Variants in MICAL3 observed in about 807,000 individuals in gnomAD.
The protein encoded by MICAL3 is [F-actin]-monooxygenase MICAL3.
A neutral mutation model predicts 207.4 loss-of-function variants in MICAL3; 62 were observed. The ratio of observed to expected loss-of-function variants is 0.30; its 90% CI spans 0.24 to 0.37. The LOEUF is 0.37. MICAL3 is among the 10% of genes least tolerant of loss of function. The pLI, the probability that MICAL3 is intolerant of heterozygous loss-of-function variation, is 1.00. For synonymous variants in MICAL3, 1,077 were observed against 1,069.3 expected, an observed-to-expected ratio of 1.01 and a Z score of -0.14; for missense variants, 2,368 against 2,635.6, an observed-to-expected ratio of 0.90 and a Z score of 2.22.
intron 27 of MICAL3, chr22:17,815,323 A>G (rs5992851): frequency 0.34 from 52,305 of 152,114 alleles, 9,483 homozygotes; most frequent in African/African-American, 0.42. Flanking sequence ...TGGGCATACT[A>G]CCCACCACAG....
Position 17,792,839 on chromosome 22 carries a change from G to A in MICAL3, c.5651-1538C>T, listed in dbSNP as rs557501417. 3.9e-5 allele frequency among the ~76,000 whole-genome samples: 6 copies of A among 152,332 alleles called. No individual in the cohort carries two copies. The East Asian group carries it at 9.6e-4, about 24-fold the overall frequency. ...TGTGCCTGAGGGTCAGGGGACCAGC[G>A]CTCTCCTCACCCAATCCAATAGGCT... On this transcript the variant is annotated intron_variant, in intron 29 of 31. Transcript: ENST00000441493.
intron 16 of MICAL3, chr22:17,876,746 TA>T: frequency 6.9e-6 from 1 of 145,078 alleles, no homozygotes; most frequent in East Asian, 2.0e-4. Flanking sequence ...TTATGGAGGT[TA>T]GGGAGGTTAA....
At chr22:17,998,556 TA>T (rs1401583910) in intron 1 of MICAL3, among the ~76,000 whole-genome samples, 4 of 137,402 alleles carry the variant, frequency 2.9e-5, no homozygotes, top group Non-Finnish European at 4.7e-5. Context: ...TAATTATTAT[TA>T]TTATTATTTT....
chr22:17,871,071 A>G (rs916249837), intron 17 of MICAL3, among the ~76,000 whole-genome samples: 4 of 152,024 alleles, frequency 2.6e-5, no homozygotes, highest in Non-Finnish European at 4.4e-5. Context: ...CCCCCTCATT[A>G]CTCTGGAATC....
At chr22:17,924,336 C>A (rs1211506183) in intron 1 of MICAL3, among the ~76,000 whole-genome samples, 1 of 152,148 alleles carries the variant, frequency 6.6e-6, no homozygotes, top group Non-Finnish European at 1.5e-5. Context: ...CACATCTCAC[C>A]CCTCGGACCA....
At chr22:17,879,556 G>A (rs147457883) in intron 16 of MICAL3, among the ~76,000 whole-genome samples, 7 of 152,264 alleles carry the variant, frequency 4.6e-5, no homozygotes, top group Non-Finnish European at 7.4e-5. Context: ...AATCCCATCT[G>A]TATCAAATCC....
rs1301030622 is a variant in MICAL3 at position 17,841,052 on chromosome 22, T to C, written c.2801+770A>G. The C allele has an allele frequency of 6.6e-6, 1 of 152,316 alleles. No individual in the cohort carries two copies. The highest frequency in any genetic ancestry group is 1.5e-5 in the Non-Finnish European group (1 of 68,098). 9.4% of individuals were successfully genotyped at this position (152,316 alleles called of 1,614,324 possible). ...TTATCCCCACATGTTCCCTTCATCA[T>C]GGCTAAATCAAGGTGTGTGATTCAA... On this transcript the variant is annotated intron_variant, in intron 20 of 31. Transcript: ENST00000441493. This position sits in a 1 kb window ranked among gnomAD's most constrained non-coding sequence, Gnocchi z 4.2.
chr22:17,899,617 G>C, intron 6 of MICAL3, 69 bp from the exon 7 acceptor site: 1 of 1,008,440 alleles, frequency 9.9e-7, no homozygotes, highest in Non-Finnish European at 1.5e-6. Context: ...CAGGCTGAAA[G>C]GTTACACACA....
intron 1 of MICAL3, among the ~76,000 whole-genome samples, chr22:17,927,460 A>G (rs757042396): frequency 3.9e-5 from 6 of 152,138 alleles, no homozygotes; most frequent in Non-Finnish European, 7.3e-5. Flanking sequence ...TGATCTTTCT[A>G]AACAAATCTA....
chr22:17,939,042 T>C (rs1160818268), intron 1 of MICAL3, among the ~76,000 whole-genome samples: 1 of 152,160 alleles, frequency 6.6e-6, no homozygotes, highest in East Asian at 1.9e-4. Flanking sequence ...TTGGGATTAA[T>C]GACTAATCCA....
intron 29 of MICAL3, among the ~76,000 whole-genome samples, chr22:17,806,256 CT>C (rs1398260458): frequency 3.3e-5 from 5 of 152,236 alleles, no homozygotes; most frequent in Admixed American, 3.3e-4. Flanking sequence ...CGTTCAGGGT[CT>C]GTCCGGGAGA....
chr22:17,966,984 G>C (rs1021547232), intron 1 of MICAL3, among the ~76,000 whole-genome samples: 1 of 152,306 alleles, frequency 6.6e-6, no homozygotes, highest in Middle Eastern at 3.4e-3. Context: ...AGGATCCAAG[G>C]ACTAAGTCAA....
In MICAL3 at chr22:17,925,742, C is replaced by T. The variant is rs912525741; in HGVS notation, c.-74-18856G>A. On this transcript the variant is annotated intron_variant, in intron 1 of 31. Transcript: ENST00000441493. Reference sequence around the variant, plus strand: ...ACCCGTTCATCTGTCCATGTTTTCCCGGCACCCCTCCTTCCACAGTGTCGG... The same window carrying T: ...ACCCGTTCATCTGTCCATGTTTTCCTGGCACCCCTCCTTCCACAGTGTCGG... Among the ~76,000 whole-genome samples, 4 of 152,084 alleles carry T rather than the reference C, an allele frequency of 2.6e-5. 1 individual carries two copies. Among genetic ancestry groups the T allele is most frequent in the South Asian group, 4.2e-4 (2 of 4,814 alleles).
chr22:17,894,687 C>T (rs988020282), intron 10 of MICAL3, among the ~76,000 whole-genome samples: 2 of 151,334 alleles, frequency 1.3e-5, no homozygotes, highest in Admixed American at 6.6e-5. Context: ...ATCCCAGCTA[C>T]TCGGGAGGCT....
intron 1 of MICAL3, among the ~76,000 whole-genome samples, chr22:17,961,923 T>C (rs868213584): frequency 6.6e-6 from 1 of 152,212 alleles, no homozygotes; most frequent in Admixed American, 6.5e-5. Context: ...AAGATCAGCC[T>C]TTGAAAATAT....
chr22:17,832,175 G>T, intron 20 of MICAL3, 68 bp from the exon 21 acceptor site: 1 of 1,520,144 alleles, frequency 6.6e-7, no homozygotes, highest in Non-Finnish European at 8.8e-7. Flanking sequence ...AAGGGGAAGG[G>T]CCACCATCAG....
At chr22:17,853,092 A>G (rs1453859927) in intron 19 of MICAL3, among the ~76,000 whole-genome samples, 2 of 150,982 alleles carry the variant, frequency 1.3e-5, no homozygotes, top group Non-Finnish European at 2.9e-5. Context: ...AAAAAAAAGG[A>G]ATATTTAGCT....
At chr22:18,014,493 A>G (rs1271037888) in intron 1 of MICAL3, among the ~76,000 whole-genome samples, 1 of 150,958 alleles carries the variant, frequency 6.6e-6, no homozygotes, top group Admixed American at 6.6e-5. Flanking sequence ...TCCCACTTCA[A>G]AAGAAAAAGC....
Position 17,952,609 on chromosome 22 carries a change from C to T in MICAL3, c.-74-45723G>A, listed in dbSNP as rs184053817. 3.3e-3 allele frequency among the ~76,000 whole-genome samples: 501 copies of T among 152,328 alleles called. 4 individuals carry two copies. The highest frequency in any genetic ancestry group is 0.011 in the African/African-American group (471 of 41,562). ...AACAAACACCAAGCAGCCAATCACG[C>T]GCTATAAAATACCAAGCAGCTAATC... On this transcript the variant is annotated intron_variant, in intron 1 of 31. Transcript: ENST00000441493.
Sources: gnomAD v4.1 joint callset for allele counts (sites outside exome capture counted in the v4.1 genomes callset) on GRCh38, gnomAD v4.1.1 for gene constraint, Gnocchi (gnomAD v3.1) non-coding constraint, MANE v1.5 for transcripts, NCBI Gene and HGNC (gene_info 2026-07-23, HGNC 2026-07-21) for gene names.